The following KAZN variants were observed in gnomAD, a reference collection of about 807,000 sequenced individuals.
KAZN encodes the protein kazrin.
In KAZN, 40 loss-of-function variants were observed where a neutral mutation model predicts 87.4. That is an observed-to-expected ratio of 0.46 (90% CI 0.36 to 0.60). The LOEUF (loss-of-function observed/expected upper bound fraction) is 0.60. Ranked by LOEUF, KAZN falls within the 20% of genes least tolerant of loss-of-function variation. The probability of loss-of-function intolerance (pLI) is 0.00; values close to 1 mark genes in which losing one functional copy is unlikely to be tolerated. For synonymous variants in KAZN, 466 were observed against 458.3 expected (o/e 1.02, Z -0.22); for missense variants, 898 against 1,073.9 (o/e 0.84, Z 2.29).
rs141477944 is a variant in KAZN, at chr1:14,729,192, C to T, written c.226+129969C>T. The stretch of plus-strand genomic sequence containing the variant: ...TGCCCACGTCTAGGGCCTGTGAAAA[C>T]GAGGAGGGACAGCAAAGAAATGGGG... On this transcript the variant is annotated intron_variant, in intron 1 of 14. Coordinates refer to ENST00000376030, the MANE Select transcript of KAZN (RefSeq NM_201628.3). Among the ~76,000 whole-genome samples, 532 of 152,246 alleles carry T rather than the reference C, an allele frequency of 3.5e-3. 1 individual carries two copies. Among genetic ancestry groups the T allele is most frequent in the Middle Eastern group, 0.014 (4 of 294 alleles).
chr1:14,533,273 A>G (rs1202908069), intron 2 of KAZN, among the ~76,000 whole-genome samples: 1 of 152,212 alleles, frequency 6.6e-6, no homozygotes, highest in African/African-American at 2.4e-5. Flanking sequence ...GTTATTAGAC[A>G]TAGAGTAGTG....
chr1:14,576,703 G>A (rs866115188), intron 2 of KAZN, among the ~76,000 whole-genome samples: 24 of 152,148 alleles, frequency 1.6e-4, no homozygotes, highest in Admixed American at 5.9e-4. Context: ...TTTAGGCTCT[G>A]TCTAGACACC....
chr1:14,305,530 A>G (rs894301104), intron 2 of KAZN, among the ~76,000 whole-genome samples: 1 of 152,186 alleles, frequency 6.6e-6, no homozygotes, highest in African/African-American at 2.4e-5. Flanking sequence ...AGGATGCATC[A>G]GCTGTCAAGA....
intron 2 of KAZN, among the ~76,000 whole-genome samples, chr1:14,986,023 AAGG>A (rs1666786617): frequency 1.3e-5 from 2 of 151,218 alleles, no homozygotes; most frequent in South Asian, 4.2e-4. Flanking sequence ...AAAAAAAAAA[AAGG>A]AAAGAAAGAC....
intron 2 of KAZN, among the ~76,000 whole-genome samples, chr1:14,550,864 A>G (rs986576234): frequency 8.7e-5 from 13 of 148,582 alleles, no homozygotes; most frequent in Admixed American, 8.7e-4. Context: ...CTCCCTTCCC[A>G]TACCCAATTC....
At chr1:14,648,313 A>G (rs1222443269) in intron 1 of KAZN, among the ~76,000 whole-genome samples, 1 of 152,248 alleles carries the variant, frequency 6.6e-6, no homozygotes, top group Admixed American at 6.5e-5. Flanking sequence ...CATGCTGGGA[A>G]TGTGCTATTA....
intron 1 of KAZN, among the ~76,000 whole-genome samples, chr1:13,973,839 C>G (rs1642216202): frequency 6.6e-6 from 1 of 152,244 alleles, no homozygotes; most frequent in Admixed American, 6.5e-5. Flanking sequence ...AATACCATCT[C>G]TCTGAGAAGA....
At chr1:14,917,525 G>T (rs1416181657) in intron 1 of KAZN, among the ~76,000 whole-genome samples, 2 of 152,184 alleles carry the variant, frequency 1.3e-5, no homozygotes, top group African/African-American at 4.8e-5. Flanking sequence ...CCCAGTTTTT[G>T]AGGATTTACC....
At chr1:14,704,104 C>A (rs1161551285) in intron 1 of KAZN, among the ~76,000 whole-genome samples, 1 of 152,182 alleles carries the variant, frequency 6.6e-6, no homozygotes, top group Admixed American at 6.5e-5. Context: ...CAAACTTATC[C>A]TTCAAGTAAG....
intron 2 of KAZN, among the ~76,000 whole-genome samples, chr1:14,309,376 T>A (rs917782353): frequency 3.3e-5 from 5 of 152,168 alleles, no homozygotes; most frequent in Non-Finnish European, 7.4e-5. Flanking sequence ...AAATGAGATA[T>A]GGATATTTTT....
At chr1:14,482,092 T>G (rs1485200980) in intron 2 of KAZN, among the ~76,000 whole-genome samples, 2 of 152,142 alleles carry the variant, frequency 1.3e-5, no homozygotes, top group Non-Finnish European at 2.9e-5. Flanking sequence ...TTGAGGAGCA[T>G]GCAGCGGTGA....
At chr1:14,369,869 T>C (rs1660326819) in intron 2 of KAZN, among the ~76,000 whole-genome samples, 2 of 152,230 alleles carry the variant, frequency 1.3e-5, no homozygotes, top group Non-Finnish European at 2.9e-5. Flanking sequence ...TGTGTTTTCA[T>C]GATGGTGCTT....
chr1:15,027,520 C>T (rs1424059470), intron 2 of KAZN, among the ~76,000 whole-genome samples: 2 of 152,172 alleles, frequency 1.3e-5, no homozygotes, highest in African/African-American at 2.4e-5. Context: ...AGAAGAACTC[C>T]GAGAGCCTCA....
intron 1 of KAZN, among the ~76,000 whole-genome samples, chr1:14,853,705 C>T (rs980556504): frequency 1.3e-5 from 2 of 152,184 alleles, no homozygotes; most frequent in Non-Finnish European, 2.9e-5. Flanking sequence ...TGTCTCTTGG[C>T]CCCTCTCCCA....
At chr1:14,475,277 C>A (rs983498872) in intron 2 of KAZN, among the ~76,000 whole-genome samples, 35 of 152,188 alleles carry the variant, frequency 2.3e-4, no homozygotes, top group African/African-American at 8.2e-4. Context: ...TTATAGCTGA[C>A]ACCCTTATTA....
At chr1:14,633,974 T>G (rs540967276) in intron 1 of KAZN, among the ~76,000 whole-genome samples, 1 of 152,232 alleles carries the variant, frequency 6.6e-6, no homozygotes, top group Non-Finnish European at 1.5e-5. Context: ...AAAATGGGGT[T>G]GTTCTGGTGC....
intron 1 of KAZN, among the ~76,000 whole-genome samples, chr1:14,148,063 A>T (rs1015681419): frequency 2.6e-5 from 4 of 151,704 alleles, no homozygotes; most frequent in Non-Finnish European, 5.9e-5. Flanking sequence ...CTACAAAAAA[A>T]TTTAAAAATT....
chr1:13,895,391 C>T (rs770373497), intron 1 of KAZN, among the ~76,000 whole-genome samples: 8 of 152,182 alleles, frequency 5.3e-5, no homozygotes, highest in East Asian at 1.9e-4. Context: ...ACCTCCCCTG[C>T]GGCTTCATTC....
intron 1 of KAZN, among the ~76,000 whole-genome samples, chr1:14,084,400 C>G (rs1643788385): frequency 2.0e-5 from 3 of 152,112 alleles, no homozygotes; most frequent in Non-Finnish European, 4.4e-5. Context: ...ATTCTCCCTG[C>G]TATTTGGCAC....
Sources: allele counts gnomAD v4.1 joint callset (sites outside exome capture counted in the v4.1 genomes callset), GRCh38; gene constraint gnomAD v4.1.1; transcripts MANE v1.5; gene names NCBI Gene and HGNC (gene_info 2026-07-23, HGNC 2026-07-21).